The following RPA3 variants were observed in gnomAD, a reference collection of about 807,000 sequenced individuals.
The protein encoded by RPA3 is replication protein A 14 kDa subunit.
RPA3 carries 24 observed loss-of-function variants against 13.7 expected under a neutral mutation model. The ratio of observed to expected loss-of-function variants is 1.75; its 90% CI spans 1.27 to 2.46. The LOEUF is 2.46. RPA3 is among the 30% of genes most tolerant of loss of function. The probability of loss-of-function intolerance (pLI) is 0.00; values close to 1 mark genes in which losing one functional copy is unlikely to be tolerated. For missense variants in RPA3, 183 were observed against 151.0 expected (o/e 1.21, Z -1.11); for synonymous variants, 59 against 51.2 (o/e 1.15, Z -0.65).
intron 3 of RPA3, among the ~76,000 whole-genome samples, chr7:7,686,671 A>T (rs1347074994): frequency 6.6e-6 from 1 of 152,190 alleles, no homozygotes; most frequent in Non-Finnish European, 1.5e-5. Flanking sequence ...CTGATAATTT[A>T]ACCTTTTAAA....
chr7:7,667,028 C>CT (rs1202858809), intron 4 of RPA3, among the ~76,000 whole-genome samples: 1 of 152,134 alleles, frequency 6.6e-6, no homozygotes. Flanking sequence ...GGCCAGGTCT[C>CT]TAACTCCTAA....
chr7:7,677,176 T>C (rs1333879176), intron 4 of RPA3, among the ~76,000 whole-genome samples: 2 of 152,198 alleles, frequency 1.3e-5, no homozygotes, highest in African/African-American at 4.8e-5. Context: ...GACACAGGCA[T>C]ATAATGTGTA....
At position 7,711,765 on chromosome 7, in the gene RPA3, C is replaced by T. The variant is rs1780769993; in HGVS notation, c.-1028+3410G>A. On this transcript the variant is annotated intron_variant, in intron 2 of 7. Transcript: ENST00000223129. ...TTGCATTTTAATGACTTATGTTTTT[C>T]TTTTTATCTGTTAATGAAGAGACAT... 2.0e-5 allele frequency among the ~76,000 whole-genome samples: 3 copies of T among 151,808 alleles called. No individual in the cohort carries two copies. The South Asian group carries it at 6.2e-4, about 31-fold the overall frequency.
chr7:7,683,249 G>A (rs868060761), intron 4 of RPA3, among the ~76,000 whole-genome samples: 1 of 152,094 alleles, frequency 6.6e-6, no homozygotes, highest in Non-Finnish European at 1.5e-5. Context: ...CTGTGCATTA[G>A]GGGATACTTA....
intron 2 of RPA3, among the ~76,000 whole-genome samples, chr7:7,706,844 G>C (rs543298424): frequency 1.3e-5 from 2 of 152,248 alleles, no homozygotes; most frequent in African/African-American, 4.8e-5. Context: ...TTTTTGGATA[G>C]AGCATCTTGA....
At chr7:7,681,948 GA>G (rs1175764429) in intron 4 of RPA3, among the ~76,000 whole-genome samples, 1 of 152,026 alleles carries the variant, frequency 6.6e-6, no homozygotes, top group Non-Finnish European at 1.5e-5. Flanking sequence ...CAAAAAGAAG[GA>G]AAAATAACAA....
chr7:7,702,634 A>C (rs552828059), intron 2 of RPA3, among the ~76,000 whole-genome samples: 13 of 152,316 alleles, frequency 8.5e-5, no homozygotes, highest in African/African-American at 2.9e-4. Context: ...TAAAAAGCAA[A>C]AGTTTCTTAA....
Position 7,675,656 on chromosome 7 carries a change from C to T in RPA3, c.-758+10174G>A, listed in dbSNP as rs145529727. Among the ~76,000 whole-genome samples, 14 of 152,322 alleles carry T rather than the reference C, an allele frequency of 9.2e-5. No individual in the cohort carries two copies. In the East Asian group the frequency reaches 2.7e-3, roughly 29 times the overall value. On this transcript the variant is annotated intron_variant, in intron 4 of 7. Transcript: ENST00000223129. ...TACTCTAATATGCTCTCAGTACCAG[C>T]TGCTCCATCTGAGGGAATTTTCCCA...
intron 4 of RPA3, among the ~76,000 whole-genome samples, chr7:7,650,765 T>C (rs994774330): frequency 1.3e-5 from 2 of 152,214 alleles, no homozygotes; most frequent in African/African-American, 4.8e-5. Context: ...AATATCAGAC[T>C]GATCACTCTC....
intron 4 of RPA3, among the ~76,000 whole-genome samples, chr7:7,656,274 T>C (rs1785339829): frequency 6.6e-6 from 1 of 152,196 alleles, no homozygotes; most frequent in Admixed American, 6.5e-5. Context: ...ATGTAAAGTC[T>C]CTTGCTGTTA....
intron 4 of RPA3, chr7:7,676,229 C>T (rs1451800645): frequency 7.5e-6 from 3 of 398,472 alleles, no homozygotes; most frequent in Admixed American, 4.4e-5. Context: ...CTTCCCAGTA[C>T]CACTTAGCAT....
chr7:7,706,738 C>A (rs553037474), intron 2 of RPA3, among the ~76,000 whole-genome samples: 1 of 152,112 alleles, frequency 6.6e-6, no homozygotes, highest in Non-Finnish European at 1.5e-5. Flanking sequence ...CGTAAGAGTG[C>A]GTGGTTAGTA....
intron 4 of RPA3, among the ~76,000 whole-genome samples, chr7:7,642,628 A>T (rs1036736207): frequency 6.6e-6 from 1 of 152,212 alleles, no homozygotes; most frequent in Non-Finnish European, 1.5e-5. Context: ...TTTTTGAGTC[A>T]CTTAAAATAT....
chr7:7,710,582 C>T (rs1780730014), intron 2 of RPA3, among the ~76,000 whole-genome samples: 1 of 152,074 alleles, frequency 6.6e-6, no homozygotes, highest in African/African-American at 2.4e-5. Context: ...TGAAGAGAAT[C>T]TGGATCACTT....
intron 4 of RPA3, among the ~76,000 whole-genome samples, chr7:7,652,444 G>A (rs1785245193): frequency 6.6e-6 from 1 of 152,156 alleles, no homozygotes; most frequent in Non-Finnish European, 1.5e-5. Flanking sequence ...TGTTTACTCA[G>A]CAGTCTGAAG....
intron 4 of RPA3, among the ~76,000 whole-genome samples, chr7:7,658,508 T>G (rs1336647777): frequency 2.6e-5 from 4 of 152,120 alleles, no homozygotes; most frequent in Admixed American, 6.5e-5. Flanking sequence ...TTTTTGAGAG[T>G]TTTTAGTATG....
intron 2 of RPA3, 142 bp from the exon 3 acceptor site, chr7:7,687,470 G>T (rs4140805): frequency 0.57 from 87,259 of 152,056 alleles, 25,282 homozygotes; most frequent in East Asian, 0.8. Context: ...GATGTATGTT[G>T]TAGGCAAAGG....
At chr7:7,711,507 T>C (rs910784284) in intron 2 of RPA3, among the ~76,000 whole-genome samples, 4 of 152,244 alleles carry the variant, frequency 2.6e-5, no homozygotes, top group African/African-American at 4.8e-5. Flanking sequence ...CTCTATCCTT[T>C]TTAACATGTA....
chr7:7,671,137 C>T (rs559440677), intron 4 of RPA3, among the ~76,000 whole-genome samples: 23 of 152,244 alleles, frequency 1.5e-4, no homozygotes, highest in African/African-American at 5.5e-4. Flanking sequence ...GAATTGAGAC[C>T]AGATTATTTT....
Sources: gnomAD v4.1 joint callset for allele counts (sites outside exome capture counted in the v4.1 genomes callset) on GRCh38, gnomAD v4.1.1 for gene constraint, MANE v1.5 for transcripts, NCBI Gene and HGNC (gene_info 2026-07-23, HGNC 2026-07-21) for gene names.